Variants in ADGRA3 observed in about 807,000 individuals in gnomAD.
ADGRA3 encodes adhesion G protein-coupled receptor A3.
Under a neutral mutation model 119.8 loss-of-function variants are expected in ADGRA3, and 56 were observed. The observed-to-expected ratio is 0.47, with a 90% CI of 0.38 to 0.58. ADGRA3 has a LOEUF of 0.58. Among genes scored for constraint, ADGRA3 ranks in the 20% least tolerant of loss-of-function variants. The pLI is 0.00. For synonymous variants in ADGRA3, 607 were observed against 623.8 expected (o/e 0.97, Z 0.40); for missense variants, 1,516 against 1,649.0 (o/e 0.92, Z 1.40).
At position 22,482,998 on chromosome 4, in the gene ADGRA3, T is replaced by G. The variant is rs185107831; in HGVS notation, c.258-9155A>C. On this transcript the variant is annotated intron_variant, in intron 1 of 18. Transcript: ENST00000334304. ...AGCCAATGACTGAGCACAGCAGTGG[T>G]AGCGGGGCTCTGCATTTCTACCCAG... Among the ~76,000 whole-genome samples, 5 of 152,314 alleles carry G rather than the reference T, an allele frequency of 3.3e-5. No homozygotes were observed. In the East Asian group the frequency reaches 9.7e-4, roughly 30 times the overall value.
At chr4:22,467,978 T>G (rs1319705411) in intron 2 of ADGRA3, among the ~76,000 whole-genome samples, 2 of 152,212 alleles carry the variant, frequency 1.3e-5, no homozygotes, top group African/African-American at 4.8e-5. Context: ...TAACTACAAG[T>G]ATCAGAACCC....
chr4:22,493,850 T>C (rs1342401731), intron 1 of ADGRA3, among the ~76,000 whole-genome samples: 3 of 151,956 alleles, frequency 2.0e-5, no homozygotes. Context: ...ACCTCGCTAA[T>C]AAAACAGGTT....
intron 2 of ADGRA3, among the ~76,000 whole-genome samples, 194 bp downstream of exon 2, chr4:22,473,578 C>T (rs1214664156): frequency 1.3e-5 from 2 of 152,170 alleles, no homozygotes; most frequent in East Asian, 1.9e-4. Flanking sequence ...AATTTACTTA[C>T]TATCTGGCCC....
chr4:22,426,039 T>C (rs1445118384), intron 10 of ADGRA3, among the ~76,000 whole-genome samples: 3 of 152,208 alleles, frequency 2.0e-5, no homozygotes, highest in South Asian at 2.1e-4. Flanking sequence ...CAATAATAAA[T>C]ACAAGGTTCC....
chr4:22,446,640 T>C (rs891788632), intron 5 of ADGRA3, among the ~76,000 whole-genome samples: 1 of 151,802 alleles, frequency 6.6e-6, no homozygotes, highest in African/African-American at 2.4e-5. Context: ...CTAAATGAGA[T>C]TTAAATGACG....
chr4:22,422,810 T>G (rs2109038880), intron 11 of ADGRA3, among the ~76,000 whole-genome samples: 1 of 152,180 alleles, frequency 6.6e-6, no homozygotes, highest in African/African-American at 2.4e-5. Flanking sequence ...TTAAAATGGA[T>G]CTAAATGGCG....
chr4:22,454,506 T>C (rs1306498468), intron 4 of ADGRA3, among the ~76,000 whole-genome samples: 1 of 152,202 alleles, frequency 6.6e-6, no homozygotes, highest in African/African-American at 2.4e-5. Flanking sequence ...TATCCAGATC[T>C]CTGCAAATCT....
At position 22,437,900 on chromosome 4, in the gene ADGRA3, G is replaced by A. The variant is rs141464405; in HGVS notation, c.1085+356C>T. ...CCTTCCAAGGTTCATCTATAAAAGA[G>A]CCACTGGGGGGAAAAAAAACAGAAA... is the stretch of plus-strand genomic sequence containing the variant. On this transcript the variant is annotated intron_variant, in intron 8 of 18. Coordinates refer to ENST00000334304, the MANE Select transcript of ADGRA3 (RefSeq NM_145290.4). 3.4e-3 allele frequency among the ~76,000 whole-genome samples: 512 copies of A among 152,206 alleles called. 1 individual carries two copies. The highest frequency in any genetic ancestry group is 0.012 in the African/African-American group (483 of 41,526).
At chr4:22,494,965 A>G (rs1185362344) in intron 1 of ADGRA3, among the ~76,000 whole-genome samples, 1 of 152,016 alleles carries the variant, frequency 6.6e-6, no homozygotes, top group Non-Finnish European at 1.5e-5. Context: ...GCATACCTAT[A>G]ATAAAGTTTA....
At chr4:22,499,619 T>C (rs1718981111) in intron 1 of ADGRA3, among the ~76,000 whole-genome samples, 1 of 152,224 alleles carries the variant, frequency 6.6e-6, no homozygotes, top group African/African-American at 2.4e-5. Context: ...CCCCCTATGA[T>C]GTTCTTATTC....
intron 2 of ADGRA3, among the ~76,000 whole-genome samples, chr4:22,466,772 C>T (rs1717675207): frequency 6.6e-6 from 1 of 152,022 alleles, no homozygotes; most frequent in Admixed American, 6.5e-5. Flanking sequence ...TCTCTTATCA[C>T]GCTGTACCAA....
chr4:22,449,076 G>A (rs929466739), intron 4 of ADGRA3, among the ~76,000 whole-genome samples: 1 of 152,048 alleles, frequency 6.6e-6, no homozygotes, highest in African/African-American at 2.4e-5. Flanking sequence ...TTTGAGACCA[G>A]CCTGGCCAAA....
chr4:22,439,589 G>A (rs1479895390), intron 7 of ADGRA3, among the ~76,000 whole-genome samples: 1 of 152,014 alleles, frequency 6.6e-6, no homozygotes, highest in Non-Finnish European at 1.5e-5. Context: ...TCTAATAAAG[G>A]CTCAAGACAC....
At chr4:22,513,870 A>AAAAAAAAAAAAC (rs1560356106) in intron 1 of ADGRA3, among the ~76,000 whole-genome samples, 1 of 95,612 alleles carries the variant, frequency 1.0e-5, no homozygotes, top group African/African-American at 3.9e-5. Context: ...AAAAAAAAAA[A>AAAAAAAAAAAAC]AAAACTGGAT....
chr4:22,458,215 C>T (rs1409757513), intron 3 of ADGRA3, among the ~76,000 whole-genome samples: 3 of 152,142 alleles, frequency 2.0e-5, no homozygotes, highest in Non-Finnish European at 4.4e-5. Flanking sequence ...GACTCATGTT[C>T]CTAGGCATGG....
chr4:22,404,688 G>C (rs1714821620), intron 14 of ADGRA3, among the ~76,000 whole-genome samples: 2 of 152,182 alleles, frequency 1.3e-5, no homozygotes, highest in African/African-American at 4.8e-5. Context: ...AAAGACCAGA[G>C]AAAAGCGTGT....
chr4:22,469,993 T>C (rs1224181714), intron 2 of ADGRA3, among the ~76,000 whole-genome samples: 1 of 152,196 alleles, frequency 6.6e-6, no homozygotes, highest in Non-Finnish European at 1.5e-5. Context: ...TCCCCATTAC[T>C]GCATATGTTC....
chr4:22,446,278 G>C lies in ADGRA3; in HGVS notation c.546-1145C>G, dbSNP rs145713940. 6.6e-5 allele frequency among the ~76,000 whole-genome samples: 10 copies of C among 152,306 alleles called. No individual in the cohort carries two copies. The East Asian group carries it at 1.7e-3, about 26-fold the overall frequency. ...ATTCCTAAGCACCACTTTATGGTCA[G>C]TTCCTAACACTACCAGGTAAAAACA... On this transcript the variant is annotated intron_variant, in intron 5 of 18. Coordinates refer to ENST00000334304, the MANE Select transcript of ADGRA3 (RefSeq NM_145290.4).
intron 10 of ADGRA3, among the ~76,000 whole-genome samples, chr4:22,433,856 T>C (rs1716284159): frequency 6.6e-6 from 1 of 152,086 alleles, no homozygotes; most frequent in Non-Finnish European, 1.5e-5. Flanking sequence ...CAAGGAAAAT[T>C]CACTGCAGGA....
Sources: allele counts gnomAD v4.1 joint callset (sites outside exome capture counted in the v4.1 genomes callset), GRCh38; gene constraint gnomAD v4.1.1; transcripts MANE v1.5; gene names NCBI Gene and HGNC (gene_info 2026-07-23, HGNC 2026-07-21).